The following FHIT variants were observed in gnomAD, a reference collection of about 807,000 sequenced individuals.
FHIT encodes the protein fragile histidine triad diadenosine triphosphatase, also known as bis(5'-adenosyl)-triphosphatase.
FHIT carries 19 observed loss-of-function variants against 17.9 expected under a neutral mutation model. The observed-to-expected ratio is 1.06, with a 90% CI of 0.74 to 1.56. The LOEUF (loss-of-function observed/expected upper bound fraction) is 1.56. Ranked by LOEUF, FHIT falls within the 40% of genes most tolerant of loss-of-function variation. The pLI, the probability that FHIT is intolerant of heterozygous loss-of-function variation, is 0.00. For missense variants in FHIT, 248 were observed against 189.2 expected, an observed-to-expected ratio of 1.31 and a Z score of -1.82; for synonymous variants, 81 against 69.7, an observed-to-expected ratio of 1.16 and a Z score of -0.81.
chr3:61,027,306 C>G (rs183485840), intron 3 of FHIT, among the ~76,000 whole-genome samples: 1 of 152,158 alleles, frequency 6.6e-6, no homozygotes, highest in Non-Finnish European at 1.5e-5. Context: ...AGGCTGGTCT[C>G]GAACTCCTGA....
chr3:61,117,780 C>T (rs1330053376), intron 2 of FHIT, among the ~76,000 whole-genome samples: 1 of 152,140 alleles, frequency 6.6e-6, no homozygotes, highest in Non-Finnish European at 1.5e-5. Flanking sequence ...TAAAAAGGCT[C>T]TAATTATTTT....
Position 61,059,888 on chromosome 3 carries a change from G to C in FHIT, c.-163-17789C>G, listed in dbSNP as rs2034364228. ...GGGTCTGAACATTCTCCCCATGCTT[G>C]CATGAGTTTTCTCTGGGCAGTCAAG... On this transcript the variant is annotated intron_variant, in intron 2 of 9. Coordinates refer to ENST00000492590, the MANE Select transcript of FHIT (RefSeq NM_002012.4). 2.6e-5 allele frequency among the ~76,000 whole-genome samples: 4 copies of C among 152,286 alleles called. No individual in the cohort carries two copies. In the South Asian group the frequency reaches 8.3e-4, roughly 32 times the overall value.
chr3:61,101,560 A>G (rs1248216798), intron 2 of FHIT, among the ~76,000 whole-genome samples: 1 of 151,910 alleles, frequency 6.6e-6, no homozygotes, highest in Non-Finnish European at 1.5e-5. Context: ...TTGGTTCCAT[A>G]TGAACTTTAG....
chr3:60,453,665 A>T (rs1211157676), intron 5 of FHIT, among the ~76,000 whole-genome samples: 1 of 152,130 alleles, frequency 6.6e-6, no homozygotes, highest in Non-Finnish European at 1.5e-5. Flanking sequence ...TCTCTTCACC[A>T]CCTGGAAAAT....
chr3:60,016,020 T>G (rs554620207), intron 5 of FHIT, among the ~76,000 whole-genome samples: 138 of 152,334 alleles, frequency 9.1e-4, no homozygotes, highest in Middle Eastern at 3.4e-3. Flanking sequence ...ATATCACAGA[T>G]GCAATATAAT....
chr3:60,823,126 C>T (rs557107771), intron 3 of FHIT, among the ~76,000 whole-genome samples: 2 of 152,254 alleles, frequency 1.3e-5, no homozygotes, highest in Middle Eastern at 6.8e-3. Context: ...TTCTCTATAG[C>T]AGTGAACATA....
intron 4 of FHIT, among the ~76,000 whole-genome samples, chr3:60,560,276 C>A (rs776179068): frequency 5.3e-5 from 8 of 152,076 alleles, no homozygotes; most frequent in Non-Finnish European, 1.2e-4. Context: ...GGGACACACT[C>A]CTAGTACAGG....
intron 5 of FHIT, among the ~76,000 whole-genome samples, chr3:60,276,804 G>A (rs1559781863): frequency 6.6e-6 from 1 of 152,142 alleles, no homozygotes; most frequent in Non-Finnish European, 1.5e-5. Context: ...CACAGGGCAA[G>A]AGAGGGAGAA....
chr3:60,971,710 T>C lies in FHIT; in HGVS notation c.-111+70337A>G, dbSNP rs1238529011. On this transcript the variant is annotated intron_variant, in intron 3 of 9. Transcript: ENST00000492590. Reference sequence around the variant, plus strand: ...GATTCAAGTTCATTTGTTTTGTTTTTGGTAAGATTACCTCATGGCTAGTGG... The same window carrying C: ...GATTCAAGTTCATTTGTTTTGTTTTCGGTAAGATTACCTCATGGCTAGTGG... Among the ~76,000 whole-genome samples, 3 of 152,346 alleles carry C rather than the reference T, an allele frequency of 2.0e-5. No individual in the cohort carries two copies. In the East Asian group the frequency reaches 5.8e-4, roughly 29 times the overall value.
chr3:61,233,231 A>C (rs2040149265), intron 1 of FHIT, among the ~76,000 whole-genome samples: 1 of 152,158 alleles, frequency 6.6e-6, no homozygotes, highest in African/African-American at 2.4e-5. Context: ...TAAGAAAATA[A>C]TAAGAGATTT....
At chr3:59,968,757 C>T (rs375411745) in intron 7 of FHIT, among the ~76,000 whole-genome samples, 10 of 152,314 alleles carry the variant, frequency 6.6e-5, no homozygotes, top group East Asian at 3.9e-4. Flanking sequence ...AAGCACTCAA[C>T]GCTGCTAGAT....
intron 4 of FHIT, among the ~76,000 whole-genome samples, chr3:60,739,961 C>T (rs2042209934): frequency 6.6e-6 from 1 of 152,102 alleles, no homozygotes; most frequent in Admixed American, 6.5e-5. Flanking sequence ...TTTACAACTT[C>T]ACATCAAAGA....
At position 59,841,062 on chromosome 3, in the gene FHIT, C is replaced by T. The variant is rs372087115; in HGVS notation, c.348+81284G>A. 9.7e-4 allele frequency among the ~76,000 whole-genome samples: 147 copies of T among 152,264 alleles called. 1 individual carries two copies. Among genetic ancestry groups the T allele is most frequent in the African/African-American group, 3.3e-3 (137 of 41,552 alleles). On this transcript the variant is annotated intron_variant, in intron 8 of 9. Transcript: ENST00000492590. Reference sequence around the variant, plus strand: ...GTTGGTTTAATTTTCGCCATGTCTTCGGGTTTCATTTTTACCTCTGAAGGT... The same window carrying T: ...GTTGGTTTAATTTTCGCCATGTCTTTGGGTTTCATTTTTACCTCTGAAGGT...
intron 4 of FHIT, among the ~76,000 whole-genome samples, chr3:60,730,845 A>C (rs2042012851): frequency 6.6e-6 from 1 of 152,088 alleles, no homozygotes; most frequent in African/African-American, 2.4e-5. Context: ...GGCCAAGTGC[A>C]GTGGCTCACG....
intron 5 of FHIT, among the ~76,000 whole-genome samples, chr3:60,382,594 T>C (rs996982975): frequency 3.3e-5 from 5 of 152,236 alleles, no homozygotes; most frequent in African/African-American, 9.6e-5. Context: ...TGAAAATCAC[T>C]GTTGATTCTT....
chr3:60,251,836 G>C (rs1705727355), intron 5 of FHIT, among the ~76,000 whole-genome samples: 1 of 152,190 alleles, frequency 6.6e-6, no homozygotes, highest in African/African-American at 2.4e-5. Flanking sequence ...CTATGTGCAA[G>C]ACATGACAAA....
At chr3:61,034,541 A>G (rs1038608653) in intron 3 of FHIT, among the ~76,000 whole-genome samples, 3 of 152,224 alleles carry the variant, frequency 2.0e-5, no homozygotes, top group Non-Finnish European at 4.4e-5. Flanking sequence ...GATGCTCATC[A>G]TTAGTCATTA....
At chr3:60,340,488 T>C (rs1411510649) in intron 5 of FHIT, among the ~76,000 whole-genome samples, 1 of 152,186 alleles carries the variant, frequency 6.6e-6, no homozygotes, top group Admixed American at 6.5e-5. Flanking sequence ...CTTGACTAGC[T>C]GCTCTGAACA....
intron 5 of FHIT, among the ~76,000 whole-genome samples, chr3:60,131,733 T>G (rs1420394231): frequency 1.3e-5 from 2 of 152,054 alleles, no homozygotes; most frequent in African/African-American, 4.8e-5. Context: ...TAGGAGAGAC[T>G]CCAATCATCT....
Sources: gnomAD v4.1 joint callset for allele counts (sites outside exome capture counted in the v4.1 genomes callset) on GRCh38, gnomAD v4.1.1 for gene constraint, MANE v1.5 for transcripts, NCBI Gene and HGNC (gene_info 2026-07-23, HGNC 2026-07-21) for gene names.